The following MYO5A variants were observed in gnomAD, a reference collection of about 807,000 sequenced individuals.
MYO5A encodes unconventional myosin-Va.
A neutral mutation model predicts 249.7 loss-of-function variants in MYO5A; 98 were observed. The ratio of observed to expected loss-of-function variants is 0.39; its 90% CI spans 0.33 to 0.46. MYO5A has a LOEUF of 0.46. Among genes scored for constraint, MYO5A ranks in the 20% least tolerant of loss-of-function variants. The pLI, the probability that MYO5A is intolerant of heterozygous loss-of-function variation, is 0.98. For missense variants in MYO5A, 1,696 were observed against 2,308.8 expected (o/e 0.73, Z 5.44); for synonymous variants, 778 against 810.6 (o/e 0.96, Z 0.68).
At position 52,343,204 on chromosome 15, in the gene MYO5A, T is replaced by A; in HGVS notation, c.3960-7A>T. On this transcript the variant is annotated splice_region_variant and splice_polypyrimidine_tract_variant and intron_variant, in intron 30 of 41. Coordinates refer to ENST00000399233, the MANE Select transcript of MYO5A (RefSeq NM_001382347.1). ...GTAATCCAGAGCAGATGATCTTCCA[T>A]GCAAAAGGAACAACAATGCAAAACA... 1 of 1,611,374 alleles carries A rather than the reference T, an allele frequency of 6.2e-7. No homozygotes were observed. Among genetic ancestry groups the A allele is most frequent in the Non-Finnish European group, 8.5e-7 (1 of 1,177,496 alleles).
At chr15:52,374,327 TC>T (rs2041287894) in intron 20 of MYO5A, among the ~76,000 whole-genome samples, 1 of 152,256 alleles carries the variant, frequency 6.6e-6, no homozygotes, top group Non-Finnish European at 1.5e-5. Context: ...CATGGTAAAT[TC>T]TTCCAAGGTT....
chr15:52,333,569 A>G (rs1319151833), intron 34 of MYO5A, among the ~76,000 whole-genome samples: 1 of 152,202 alleles, frequency 6.6e-6, no homozygotes, highest in Non-Finnish European at 1.5e-5. Flanking sequence ...GAATCCTTTC[A>G]GGTCTTAATT....
chr15:52,364,002 G>A (rs978645121), intron 24 of MYO5A, among the ~76,000 whole-genome samples: 2 of 152,206 alleles, frequency 1.3e-5, no homozygotes, highest in Non-Finnish European at 2.9e-5. Context: ...ACTTTGGGAG[G>A]CCAAGGTGGG....
In MYO5A at chr15:52,528,732, G is replaced by T. The variant is rs927871984; in HGVS notation, c.27+48C>A. The T allele has an allele frequency of 2.7e-6, 4 of 1,486,246 alleles. No homozygotes were observed. In the African/African-American group the frequency reaches 4.4e-5, roughly 16 times the overall value. 92.1% of individuals were successfully genotyped at this position (1,486,246 alleles called of 1,614,324 possible). ...CCTCCCCAGCCTGACAGCTGGCGGC[G>T]AGGGCCGCACAGCCCCAGTCCTCGA... is the stretch of plus-strand genomic sequence containing the variant. On this transcript the variant is annotated intron_variant, in intron 1 of 41. Transcript: ENST00000399233.
chr15:52,485,023 C>A (rs1033929347), intron 1 of MYO5A, among the ~76,000 whole-genome samples: 2 of 152,028 alleles, frequency 1.3e-5, no homozygotes. Context: ...CACCCAGCCT[C>A]AATGTTGTCT....
At chr15:52,414,162 T>C (rs1309673626) in intron 5 of MYO5A, among the ~76,000 whole-genome samples, 1 of 152,066 alleles carries the variant, frequency 6.6e-6, no homozygotes, top group Non-Finnish European at 1.5e-5. Context: ...TGGAGTGGGT[T>C]GTTATGAAGT....
intron 20 of MYO5A, among the ~76,000 whole-genome samples, chr15:52,372,692 A>C (rs531279700): frequency 2.6e-5 from 4 of 152,320 alleles, no homozygotes; most frequent in South Asian, 4.1e-4. Flanking sequence ...AAGAAAAACA[A>C]CTATAAAAAG....
intron 2 of MYO5A, among the ~76,000 whole-genome samples, chr15:52,431,890 G>A (rs1455762745): frequency 1.3e-5 from 2 of 151,902 alleles, no homozygotes; most frequent in Non-Finnish European, 2.9e-5. Flanking sequence ...AGGGAGGGAG[G>A]CTGAGCCTGG....
intron 1 of MYO5A, among the ~76,000 whole-genome samples, chr15:52,446,064 T>G (rs1330981972): frequency 6.6e-6 from 1 of 152,194 alleles, no homozygotes; most frequent in Non-Finnish European, 1.5e-5. Flanking sequence ...CTAGAGAAAT[T>G]TGCATAACTA....
chr15:52,378,418 G>T (rs568221030), intron 18 of MYO5A, among the ~76,000 whole-genome samples: 15 of 149,518 alleles, frequency 1.0e-4, no homozygotes, highest in South Asian at 6.4e-4. Context: ...CTACTGGGGG[G>T]GCTGAGGTAG....
rs2041365438 is a variant in MYO5A at position 52,375,531 on chromosome 15, T to C, written c.2421-71A>G. 5.9e-6 allele frequency: 9 copies of C among 1,525,184 alleles called. No homozygotes were observed. In the Admixed American group the frequency reaches 1.6e-4, roughly 26 times the overall value. The allele number at this position is 1,525,184 out of a possible 1,614,324, so 94.5% of individuals were successfully genotyped here. A position where few individuals can be genotyped will look rare whatever the true frequency, so the allele number is the denominator to read the frequency against. ...TGCAGGAATACATATTAGAGAAACT[T>C]AAAGAGTGTCACTGTTTTAGGCATA... On this transcript the variant is annotated intron_variant, in intron 19 of 41. Coordinates refer to ENST00000399233, the MANE Select transcript of MYO5A (RefSeq NM_001382347.1).
At chr15:52,496,857 G>A (rs575795451) in intron 1 of MYO5A, among the ~76,000 whole-genome samples, 25 of 152,190 alleles carry the variant, frequency 1.6e-4, no homozygotes, top group South Asian at 8.3e-4. Flanking sequence ...TTCCTTCAGG[G>A]TAGTCCTGAG....
Position 52,396,375 on chromosome 15 carries a change from T to C in MYO5A, c.1342A>G (p.Ser448Gly). Residue 448 changes from serine to glycine, a missense_variant, in exon 11 of 42, where the codon AGT becomes GGT. Ser to Gly is a moderately conservative substitution (Grantham distance 56, BLOSUM62 0). Coordinates refer to ENST00000399233, the MANE Select transcript of MYO5A (RefSeq NM_001382347.1). Reference sequence around the variant, plus strand: ...TAATTTATGCAAAACTGTTCAAAACTATTTATCTCAAATGTTTCAAATCTG... The same window carrying C: ...TAATTTATGCAAAACTGTTCAAAACCATTTATCTCAAATGTTTCAAATCTG... ...IYGFETFEIN[S>G]FEQFCINYAN... 6.4e-7 allele frequency: 1 copy of C among 1,566,534 alleles called. No individual in the cohort carries two copies. Among genetic ancestry groups the C allele is most frequent in the Admixed American group, 1.7e-5 (1 of 58,974 alleles).
chr15:52,386,827 C>T (rs955718044), intron 14 of MYO5A, among the ~76,000 whole-genome samples: 2 of 152,168 alleles, frequency 1.3e-5, no homozygotes, highest in East Asian at 3.8e-4. Flanking sequence ...GGATTACAGG[C>T]ATGAGCTACA....
intron 5 of MYO5A, among the ~76,000 whole-genome samples, chr15:52,413,946 T>C (rs1249067372): frequency 6.6e-6 from 1 of 152,326 alleles, no homozygotes; most frequent in East Asian, 1.9e-4. Context: ...TATCTTTGAC[T>C]GCTGTGGTTT....
chr15:52,528,659 G>T, intron 1 of MYO5A, 121 bp downstream of exon 1: 1 of 1,184,268 alleles, frequency 8.4e-7, no homozygotes, highest in Non-Finnish European at 1.1e-6. Context: ...CTGAGGCGCT[G>T]AAGGGGATGG....
At position 52,383,114 on chromosome 15, in the gene MYO5A, A is replaced by G. The variant is rs1246751286; in HGVS notation, c.1989T>C (p.Pro663=). 2 of 1,613,462 alleles carry G rather than the reference A, an allele frequency of 1.2e-6. No individual in the cohort carries two copies. The highest frequency in any genetic ancestry group is 1.7e-6 in the Non-Finnish European group (2 of 1,179,502). Reference sequence around the variant, plus strand: ...ACGTGAATGGGAACTTGAAGTCATTAGGCTTGATACAGCGCACATAGTGAG... The same window carrying G: ...ACGTGAATGGGAACTTGAAGTCATTGGGCTTGATACAGCGCACATAGTGAG... ...TTPHYVRCIK[P]NDFKFPFTFD... The change falls in exon 16 of 42, where the codon CCT becomes CCC. Residue 663 remains proline, a synonymous_variant. Transcript: ENST00000399233.
chr15:52,468,786 G>T (rs2076401404), intron 1 of MYO5A, among the ~76,000 whole-genome samples: 1 of 152,188 alleles, frequency 6.6e-6, no homozygotes. Context: ...TCATATATTG[G>T]TGATGGAATC....
rs1019687251 is a variant in MYO5A, at chr15:52,505,809, T to A, written c.27+22971A>T. ...CAGATATGCTGGAGGAGCAGATCAC[T>A]GCGTTTGAGGACTATGTGCAGCCCA... On this transcript the variant is annotated intron_variant, in intron 1 of 41. Coordinates refer to ENST00000399233, the MANE Select transcript of MYO5A (RefSeq NM_001382347.1). 3.1e-6 allele frequency: 5 copies of A among 1,593,796 alleles called. No homozygotes were observed. In the African/African-American group the frequency reaches 5.4e-5, roughly 17 times the overall value.
Sources: gnomAD v4.1 joint callset for allele counts (sites outside exome capture counted in the v4.1 genomes callset) on GRCh38, gnomAD v4.1.1 for gene constraint, MANE v1.5 for transcripts, NCBI Gene and HGNC (gene_info 2026-07-23, HGNC 2026-07-21) for gene names.